Variants in PRKCA observed in about 807,000 individuals in gnomAD.
The protein encoded by PRKCA is protein kinase C alpha, also known as protein kinase C alpha type.
In PRKCA, 27 loss-of-function variants were observed where a neutral mutation model predicts 87.0. The observed-to-expected ratio is 0.31, with a 90% CI of 0.23 to 0.43. The LOEUF (loss-of-function observed/expected upper bound fraction) is 0.43, where lower values mean the gene tolerates loss of function less well. PRKCA is among the 20% of genes least tolerant of loss of function. The probability of loss-of-function intolerance (pLI) is 1.00; values close to 1 mark genes in which losing one functional copy is unlikely to be tolerated. For missense variants in PRKCA, 518 were observed against 852.3 expected, an observed-to-expected ratio of 0.61 and a Z score of 4.88; for synonymous variants, 329 against 311.1, an observed-to-expected ratio of 1.06 and a Z score of -0.61.
intron 14 of PRKCA, among the ~76,000 whole-genome samples, chr17:66,781,879 ATATATATAGT>A (rs1440108678): frequency 1.0e-3 from 139 of 134,932 alleles, no homozygotes; most frequent in African/African-American, 3.7e-3. Flanking sequence ...ATATATATAT[ATATATATAGT>A]GTGTGTGTGT....
At chr17:66,392,772 A>G (rs1325366032) in intron 2 of PRKCA, among the ~76,000 whole-genome samples, 1 of 152,206 alleles carries the variant, frequency 6.6e-6, no homozygotes, top group Non-Finnish European at 1.5e-5. Flanking sequence ...TAACAATTCT[A>G]TACATCCCTA....
intron 5 of PRKCA, among the ~76,000 whole-genome samples, chr17:66,675,233 A>T (rs567542724): frequency 6.6e-6 from 1 of 152,264 alleles, no homozygotes; most frequent in South Asian, 2.1e-4. Flanking sequence ...ACATCCTCAC[A>T]CGGTGGAAGG....
intron 14 of PRKCA, among the ~76,000 whole-genome samples, chr17:66,781,868 G>GATATATAT (rs1201713784): frequency 1.0e-5 from 1 of 99,318 alleles, no homozygotes; most frequent in South Asian, 2.9e-4. Flanking sequence ...GAGAGAGAGA[G>GATATATAT]ATATATATAT....
At chr17:66,438,813 C>A (rs957373169) in intron 2 of PRKCA, among the ~76,000 whole-genome samples, 6 of 152,174 alleles carry the variant, frequency 3.9e-5, no homozygotes, top group African/African-American at 1.4e-4. Context: ...ACCATCAGCT[C>A]TTGTGAGAAA....
At chr17:66,502,093 A>G (rs1251726586) in intron 3 of PRKCA, among the ~76,000 whole-genome samples, 1 of 152,000 alleles carries the variant, frequency 6.6e-6, no homozygotes, top group Non-Finnish European at 1.5e-5. Context: ...GTTTCTATTC[A>G]TTTTCGATTA....
intron 3 of PRKCA, among the ~76,000 whole-genome samples, chr17:66,586,007 G>C (rs1417643730): frequency 6.6e-6 from 1 of 152,150 alleles, no homozygotes; most frequent in Non-Finnish European, 1.5e-5. Context: ...AGATAAATGG[G>C]GAGTTGACCT....
chr17:66,537,085 T>C (rs1967817337), intron 3 of PRKCA, among the ~76,000 whole-genome samples: 1 of 152,178 alleles, frequency 6.6e-6, no homozygotes, highest in South Asian at 2.1e-4. Flanking sequence ...GCCCCGACTG[T>C]GCTCCTGAAG....
chr17:66,314,891 G>GTT (rs1479376443), intron 2 of PRKCA, among the ~76,000 whole-genome samples: 1 of 151,496 alleles, frequency 6.6e-6, no homozygotes, highest in Non-Finnish European at 1.5e-5. Context: ...GTGTGTGTGT[G>GTT]TGTGTGTGTG....
intron 3 of PRKCA, among the ~76,000 whole-genome samples, chr17:66,558,554 G>C (rs915761370): frequency 6.6e-6 from 1 of 152,148 alleles, no homozygotes; most frequent in Non-Finnish European, 1.5e-5. Flanking sequence ...GCTGAGCAGA[G>C]GCAGACAGGG....
chr17:66,777,042 T>C (rs1310121566), intron 14 of PRKCA: 1 of 182,908 alleles, frequency 5.5e-6, no homozygotes, highest in African/African-American at 2.4e-5. Flanking sequence ...GTTTCAGGTG[T>C]TTCCCTTTAT....
At chr17:66,540,155 C>G (rs1042178108) in intron 3 of PRKCA, among the ~76,000 whole-genome samples, 1 of 152,194 alleles carries the variant, frequency 6.6e-6, no homozygotes, top group Non-Finnish European at 1.5e-5. Flanking sequence ...TCTGTGGCAG[C>G]TTGAATGCTG....
At chr17:66,531,831 T>A (rs12103889) in intron 3 of PRKCA, among the ~76,000 whole-genome samples, 9,646 of 152,260 alleles carry the variant, frequency 0.063, 928 homozygotes, top group African/African-American at 0.21. Context: ...GACCAGGGAC[T>A]TGAAGAGTAG....
chr17:66,535,575 C>A (rs1243803603), intron 3 of PRKCA, among the ~76,000 whole-genome samples: 1 of 152,172 alleles, frequency 6.6e-6, no homozygotes, highest in Non-Finnish European at 1.5e-5. Flanking sequence ...TTGGCCCTCA[C>A]CAGAGTAAGG....
chr17:66,395,309 C>T (rs983329451), intron 2 of PRKCA, among the ~76,000 whole-genome samples: 5 of 152,056 alleles, frequency 3.3e-5, no homozygotes, highest in Non-Finnish European at 7.4e-5. Context: ...TTCTAGTAGC[C>T]ACATTTTGAA....
In PRKCA at chr17:66,788,818, T is replaced by C. The variant is rs1353705225; in HGVS notation, c.1714-21T>C. 2.5e-6 allele frequency: 4 copies of C among 1,608,918 alleles called. No individual in the cohort carries two copies. The South Asian group carries it at 3.3e-5, about 13-fold the overall frequency. On this transcript the variant is annotated intron_variant, in intron 15 of 16. Transcript: ENST00000413366. ...AAGCCCTTGACATCCATTGTTCTCC[T>C]TTTCTCCTTTTCCTTTCTAGCTGAT...
intron 8 of PRKCA, among the ~76,000 whole-genome samples, chr17:66,708,224 A>G (rs1222673113): frequency 1.3e-5 from 2 of 152,186 alleles, no homozygotes; most frequent in Admixed American, 6.5e-5. Flanking sequence ...CACTTAATTG[A>G]AAACGAAGTG....
chr17:66,741,857 A>C, intron 12 of PRKCA, 136 bp downstream of exon 12: 2 of 766,120 alleles, frequency 2.6e-6, no homozygotes, highest in South Asian at 2.3e-5. Flanking sequence ...GCTGGGACCC[A>C]CCTTCCTCCT....
chr17:66,781,389 C>T (rs1355870039), intron 14 of PRKCA, among the ~76,000 whole-genome samples: 1 of 152,192 alleles, frequency 6.6e-6, no homozygotes, highest in Non-Finnish European at 1.5e-5. Context: ...GGCAGCTGCT[C>T]CATCCCGGTG....
chr17:66,419,779 C>T (rs1201344008), intron 2 of PRKCA, among the ~76,000 whole-genome samples: 1 of 152,074 alleles, frequency 6.6e-6, no homozygotes, highest in East Asian at 1.9e-4. Flanking sequence ...AAAAAAGAAA[C>T]CTGCCTACTT....
Sources: gnomAD v4.1 joint callset for allele counts (sites outside exome capture counted in the v4.1 genomes callset) on GRCh38, gnomAD v4.1.1 for gene constraint, MANE v1.5 for transcripts, NCBI Gene and HGNC (gene_info 2026-07-23, HGNC 2026-07-21) for gene names.